The following NXN variants were observed in gnomAD, a reference collection of about 807,000 sequenced individuals.
NXN encodes nucleoredoxin 1.
Under a neutral mutation model 48.6 loss-of-function variants are expected in NXN, and 16 were observed. The observed-to-expected ratio is 0.33, with a 90% CI of 0.22 to 0.50. The LOEUF is 0.50. Among genes scored for constraint, NXN ranks in the 20% least tolerant of loss-of-function variants. The pLI, the probability that NXN is intolerant of heterozygous loss-of-function variation, is 0.98. For synonymous variants in NXN, 281 were observed against 269.6 expected, an observed-to-expected ratio of 1.04 and a Z score of -0.41; for missense variants, 492 against 605.5, an observed-to-expected ratio of 0.81 and a Z score of 1.97.
At chr17:832,715 CTG>C (rs1176219408) in intron 1 of NXN, among the ~76,000 whole-genome samples, 1 of 152,124 alleles carries the variant, frequency 6.6e-6, no homozygotes, top group East Asian at 1.9e-4. Flanking sequence ...GGGTAAGAAA[CTG>C]TAACCTGCAT....
intron 1 of NXN, among the ~76,000 whole-genome samples, chr17:914,723 C>CG (rs2068669391): frequency 6.6e-6 from 1 of 152,162 alleles, no homozygotes; most frequent in South Asian, 2.1e-4. Flanking sequence ...GTCATTAACT[C>CG]AGCAAGCGAG....
At position 972,156 on chromosome 17, in the gene NXN, C is replaced by T. The variant is rs140031907; in HGVS notation, c.360+7163G>A. Among the ~76,000 whole-genome samples, 123 of 152,212 alleles carry T rather than the reference C, an allele frequency of 8.1e-4. 1 individual carries two copies. The Middle Eastern group carries it at 0.02, about 25-fold the overall frequency. ...TCTCTACTAAAAATACAAAATTAGCCGGGCGTGGTGGCACATGCGCCTATA... is the reference window on the plus strand; with the variant it reads ...TCTCTACTAAAAATACAAAATTAGCTGGGCGTGGTGGCACATGCGCCTATA... On this transcript the variant is annotated intron_variant, in intron 1 of 7. Transcript: ENST00000336868.
At chr17:968,407 TG>T (rs773379161) in intron 1 of NXN, among the ~76,000 whole-genome samples, 43 of 152,174 alleles carry the variant, frequency 2.8e-4, no homozygotes, top group Non-Finnish European at 3.8e-4. Context: ...TACACCCATA[TG>T]CAAAGATACA....
chr17:904,285 C>CCGGACAT (rs1567856411), intron 1 of NXN, among the ~76,000 whole-genome samples: 1 of 148,664 alleles, frequency 6.7e-6, no homozygotes, highest in Non-Finnish European at 1.5e-5. Flanking sequence ...TGCGGGCTGC[C>CCGGACAT]CGGACGTCGG....
intron 1 of NXN, among the ~76,000 whole-genome samples, chr17:899,412 G>A (rs568057681): frequency 3.9e-5 from 6 of 152,242 alleles, no homozygotes; most frequent in African/African-American, 9.6e-5. Context: ...CTGGATGCCC[G>A]CTCTCCTGAG....
At chr17:957,663 C>T (rs1262409074) in intron 1 of NXN, among the ~76,000 whole-genome samples, 1 of 151,620 alleles carries the variant, frequency 6.6e-6, no homozygotes, top group Non-Finnish European at 1.5e-5. Flanking sequence ...TGCAACCCGG[C>T]CCAGCAGAAG....
At chr17:852,456 T>C (rs1422896377) in intron 1 of NXN, among the ~76,000 whole-genome samples, 1 of 152,108 alleles carries the variant, frequency 6.6e-6, no homozygotes, top group Non-Finnish European at 1.5e-5. Context: ...CCAGAAAAAG[T>C]CAGGATGGAT....
chr17:917,995 C>G lies in NXN; in HGVS notation c.360+61324G>C, dbSNP rs1167893839. Among the ~76,000 whole-genome samples the G allele has an allele frequency of 1.3e-5, 2 of 152,178 alleles. No homozygotes were observed. Among genetic ancestry groups the G allele is most frequent in the Non-Finnish European group, 2.9e-5 (2 of 68,034 alleles). ...AAGACACATGGCTCACGGCAGGGCC[C>G]GGCACATCACAAAAACTCACTCCGT... is the stretch of plus-strand genomic sequence containing the variant. On this transcript the variant is annotated intron_variant, in intron 1 of 7. Transcript: ENST00000336868. This position sits in a 1 kb window ranked among gnomAD's most constrained non-coding sequence, Gnocchi z 4.5.
At chr17:899,647 T>C (rs1375829214) in intron 1 of NXN, among the ~76,000 whole-genome samples, 1 of 152,146 alleles carries the variant, frequency 6.6e-6, no homozygotes, top group Non-Finnish European at 1.5e-5. Context: ...TTCTCTCCTC[T>C]CTGTTACGGA....
At chr17:813,946 T>G (rs1912322236) in intron 5 of NXN, among the ~76,000 whole-genome samples, 1 of 137,940 alleles carries the variant, frequency 7.2e-6, no homozygotes, top group Non-Finnish European at 1.5e-5. Flanking sequence ...AGCCTCTGGG[T>G]AACAGAGCAA....
chr17:901,679 C>T (rs1470584069), intron 1 of NXN, among the ~76,000 whole-genome samples: 2 of 152,174 alleles, frequency 1.3e-5, no homozygotes, highest in African/African-American at 4.8e-5. Flanking sequence ...GTCTCTCCTT[C>T]AGCTTGCTGT....
chr17:811,548 G>A (rs935675179), intron 5 of NXN, among the ~76,000 whole-genome samples: 3 of 151,720 alleles, frequency 2.0e-5, no homozygotes, highest in South Asian at 2.1e-4. Context: ...TTATTCCCAC[G>A]AGACCAGGAG....
intron 1 of NXN, among the ~76,000 whole-genome samples, chr17:833,127 G>C (rs138540661): frequency 5.3e-5 from 8 of 151,994 alleles, no homozygotes; most frequent in African/African-American, 1.9e-4. Context: ...TCCTGACCTC[G>C]TGATCCGCCC....
At chr17:841,340 C>T (rs1251327803) in intron 1 of NXN, among the ~76,000 whole-genome samples, 1 of 152,168 alleles carries the variant, frequency 6.6e-6, no homozygotes, top group Non-Finnish European at 1.5e-5. Flanking sequence ...CTGGTGCCGC[C>T]AACCCTGCCA....
intron 1 of NXN, among the ~76,000 whole-genome samples, chr17:858,189 G>GT (rs1422902233): frequency 1.3e-5 from 2 of 151,586 alleles, no homozygotes; most frequent in African/African-American, 4.8e-5. Context: ...GCTAATTTTT[G>GT]TATTTTTTCT....
intron 1 of NXN, among the ~76,000 whole-genome samples, chr17:847,176 G>A (rs150386405): frequency 3.4e-3 from 518 of 152,110 alleles, no homozygotes; most frequent in African/African-American, 0.012. Context: ...ACTAGCACTC[G>A]GCACAGCTCC....
intron 1 of NXN, among the ~76,000 whole-genome samples, chr17:927,880 C>A (rs114698016): frequency 0.012 from 1,815 of 152,158 alleles, 32 homozygotes; most frequent in African/African-American, 0.041. Context: ...TGAGTCTGCA[C>A]GTGATGTTCC....
At position 894,620 on chromosome 17, in the gene NXN, G is replaced by A. The variant is rs372491016; in HGVS notation, c.361-68542C>T. On this transcript the variant is annotated intron_variant, in intron 1 of 7. Transcript: ENST00000336868. Reference sequence around the variant, plus strand: ...GGAAGCCAGAGGAAGCATCTCAAACGCCCTGGAAGCCAGAGGAAGCATCTC... The same window carrying A: ...GGAAGCCAGAGGAAGCATCTCAAACACCCTGGAAGCCAGAGGAAGCATCTC... Among the ~76,000 whole-genome samples the A allele has an allele frequency of 3.1e-4, 44 of 143,398 alleles. 1 individual carries two copies. In the East Asian group the frequency reaches 8.0e-3, roughly 26 times the overall value. 94.1% of individuals were successfully genotyped at this position (143,398 alleles called of 152,430 possible). A position where few individuals can be genotyped will look rare whatever the true frequency, so the allele number is the denominator to read the frequency against.
chr17:955,293 G>C (rs2069153668), intron 1 of NXN, among the ~76,000 whole-genome samples: 1 of 150,260 alleles, frequency 6.7e-6, no homozygotes, highest in Non-Finnish European at 1.5e-5. Context: ...TCAGCCTCCC[G>C]AGTAGCTGGG....
Sources: gnomAD v4.1 joint callset for allele counts (sites outside exome capture counted in the v4.1 genomes callset) on GRCh38, gnomAD v4.1.1 for gene constraint, Gnocchi (gnomAD v3.1) non-coding constraint, MANE v1.5 for transcripts, NCBI Gene and HGNC (gene_info 2026-07-23, HGNC 2026-07-21) for gene names.